MAP2K1: variants seen among roughly 807,000 people sequenced by gnomAD.
MAP2K1 encodes the protein mitogen-activated protein kinase kinase 1, also known as dual specificity mitogen-activated protein kinase kinase 1.
MAP2K1 carries 16 observed loss-of-function variants against 46.3 expected under a neutral mutation model. The ratio of observed to expected loss-of-function variants is 0.35; its 90% CI spans 0.23 to 0.52. MAP2K1 has a LOEUF of 0.52. Ranked by LOEUF, MAP2K1 falls within the 20% of genes least tolerant of loss-of-function variation. The probability of loss-of-function intolerance (pLI) is 0.94; values close to 1 mark genes in which losing one functional copy is unlikely to be tolerated. For synonymous variants in MAP2K1, 183 were observed against 185.6 expected (o/e 0.99, Z 0.11); for missense variants, 263 against 497.1 (o/e 0.53, Z 4.48).
At chr15:66,467,646 C>T (rs929706346) in intron 5 of MAP2K1, among the ~76,000 whole-genome samples, 11 of 152,260 alleles carry the variant, frequency 7.2e-5, no homozygotes, top group East Asian at 1.9e-4. Context: ...CTGCAACCTG[C>T]GCCTCCTAGG....
chr15:66,446,569 C>G (rs1267511574), intron 5 of MAP2K1: 1 of 195,384 alleles, frequency 5.1e-6, no homozygotes, highest in Non-Finnish European at 1.1e-5. Flanking sequence ...AGTTACCTTT[C>G]TCCAGATTAC....
intron 1 of MAP2K1, among the ~76,000 whole-genome samples, chr15:66,403,476 G>C (rs1403860048): frequency 1.3e-5 from 2 of 151,900 alleles, no homozygotes; most frequent in South Asian, 4.1e-4. Flanking sequence ...TAAAAGCAGT[G>C]GTTTTCAAAA....
intron 8 of MAP2K1, 181 bp from the exon 9 acceptor site, chr15:66,489,034 A>G (rs941612016): frequency 2.8e-5 from 18 of 647,660 alleles, no homozygotes; most frequent in Non-Finnish European, 4.5e-5. Context: ...TGGTTACCCA[A>G]CAGGCAGCAC....
At position 66,489,253 on chromosome 15, in the gene MAP2K1, A is replaced by AT; in HGVS notation, c.1002dup (p.Gln335SerfsTer6). The AT allele has an allele frequency of 6.2e-7, 1 of 1,614,116 alleles. No homozygotes were observed. The highest frequency in any genetic ancestry group is 8.5e-7 in the Non-Finnish European group (1 of 1,179,988). On this transcript the variant is annotated frameshift_variant, in exon 9 of 11. Transcript: ENST00000307102. LOFTEE classifies it high-confidence loss of function. ...TGCCCAGTGGAGTGTTCAGTCTGGA[A>AT]TTTCAAGATTTTGTGAATAAATGGT...
At chr15:66,402,559 A>G (rs1394910288) in intron 1 of MAP2K1, among the ~76,000 whole-genome samples, 1 of 152,088 alleles carries the variant, frequency 6.6e-6, no homozygotes, top group East Asian at 1.9e-4. Context: ...CCATTTGTTC[A>G]TGTGTTCCTC....
intron 1 of MAP2K1, among the ~76,000 whole-genome samples, chr15:66,422,236 T>TC (rs2093445463): frequency 6.6e-6 from 1 of 152,130 alleles, no homozygotes. Context: ...CATTCATTTT[T>TC]CCCCCATAGG....
In MAP2K1 at chr15:66,415,199, T is replaced by C. The variant is rs149248126; in HGVS notation, c.81-19828T>C. On this transcript the variant is annotated intron_variant, in intron 1 of 10. Transcript: ENST00000307102. ...TTCTTCACTGGTATGACTGATGCCA[T>C]CTTGGAGTCCTGGTGTCCACTGTCC... The C allele has an allele frequency of 3.2e-5, 16 of 505,752 alleles. No homozygotes were observed. The East Asian group carries it at 8.8e-4, about 28-fold the overall frequency. The allele number at this position is 505,752 out of a possible 1,614,324, so 31.3% of individuals were successfully genotyped here.
At chr15:66,457,432 T>G (rs950395345) in intron 5 of MAP2K1, among the ~76,000 whole-genome samples, 7 of 152,200 alleles carry the variant, frequency 4.6e-5, no homozygotes, top group African/African-American at 1.4e-4. Context: ...AAATTCAGAT[T>G]ATTGTGTCCA....
At chr15:66,460,840 A>G (rs1374418060) in intron 5 of MAP2K1, among the ~76,000 whole-genome samples, 1 of 152,066 alleles carries the variant, frequency 6.6e-6, no homozygotes, top group African/African-American at 2.4e-5. Flanking sequence ...GATGGTGCAA[A>G]GGGCAGGGAC....
rs559163042 is a variant in MAP2K1, at chr15:66,488,582, A to C, written c.961-633A>C. ...AGAGCCTTGTACTGTATAGTGCTGC[A>C]TGATCACCATGGGAAAATCTGAAAA... On this transcript the variant is annotated intron_variant, in intron 8 of 10. Coordinates refer to ENST00000307102, the MANE Select transcript of MAP2K1 (RefSeq NM_002755.4). 51 of 176,364 alleles carry C rather than the reference A, an allele frequency of 2.9e-4. 1 individual carries two copies. In the East Asian group the frequency reaches 7.0e-3, roughly 24 times the overall value. The allele number at this position is 176,364 out of a possible 1,614,324, so 10.9% of individuals were successfully genotyped here.
intron 5 of MAP2K1, among the ~76,000 whole-genome samples, chr15:66,480,150 A>C (rs1244670332): frequency 2.6e-5 from 4 of 151,592 alleles, no homozygotes; most frequent in African/African-American, 9.7e-5. Flanking sequence ...GTGCAATGGC[A>C]TGATGTCGGC....
chr15:66,407,071 T>G (rs2093399215), intron 1 of MAP2K1, among the ~76,000 whole-genome samples: 1 of 152,112 alleles, frequency 6.6e-6, no homozygotes, highest in Non-Finnish European at 1.5e-5. Context: ...CACAGGGTTT[T>G]CCAACTGCCC....
intron 5 of MAP2K1, among the ~76,000 whole-genome samples, chr15:66,452,302 AAG>A (rs1555417504): frequency 1.0e-3 from 5 of 4,978 alleles, no homozygotes; most frequent in Admixed American, 4.0e-3. Context: ...AAAAAAAAAA[AAG>A]AAAAAAAAAA....
chr15:66,489,475 T>C, intron 9 of MAP2K1, 199 bp downstream of exon 9: 1 of 670,534 alleles, frequency 1.5e-6, no homozygotes, highest in Non-Finnish European at 2.7e-6. Context: ...ATCATGGATG[T>C]AGTAGCTGCT....
intron 5 of MAP2K1, among the ~76,000 whole-genome samples, chr15:66,476,078 T>C (rs1031185115): frequency 1.3e-5 from 2 of 152,172 alleles, no homozygotes; most frequent in African/African-American, 2.4e-5. Context: ...AAAACCTCCT[T>C]GTTCATTTTT....
At chr15:66,412,319 G>A (rs534154160) in intron 1 of MAP2K1, among the ~76,000 whole-genome samples, 105 of 152,336 alleles carry the variant, frequency 6.9e-4, no homozygotes, top group African/African-American at 2.4e-3. Flanking sequence ...GCTGTACTGT[G>A]AAAGGCTTCT....
At position 66,458,730 on chromosome 15, in the gene MAP2K1, A is replaced by C. The variant is rs564394723; in HGVS notation, c.568+14023A>C. 4.2e-4 allele frequency among the ~76,000 whole-genome samples: 64 copies of C among 152,282 alleles called. 1 individual carries two copies. The South Asian group carries it at 0.012, about 29-fold the overall frequency. ...GAGATGCGGTCTCTCTCTGTTGCCC[A>C]GGTTGGTCTTGAACTCCTGGACTCA... is the stretch of plus-strand genomic sequence containing the variant. On this transcript the variant is annotated intron_variant, in intron 5 of 10. Coordinates refer to ENST00000307102, the MANE Select transcript of MAP2K1 (RefSeq NM_002755.4).
At chr15:66,469,497 T>TTTTG (rs1555419237) in intron 5 of MAP2K1, among the ~76,000 whole-genome samples, 3 of 144,926 alleles carry the variant, frequency 2.1e-5, no homozygotes, top group Admixed American at 6.9e-5. Flanking sequence ...TTTTTTTTTT[T>TTTTG]TTGTTGAGGA....
chr15:66,441,130 A>G (rs1320545838), intron 3 of MAP2K1, among the ~76,000 whole-genome samples: 1 of 151,968 alleles, frequency 6.6e-6, no homozygotes, highest in African/African-American at 2.4e-5. Flanking sequence ...ATGTCCAGCT[A>G]ATTTTTATTT....
Sources: gnomAD v4.1 joint callset for allele counts (sites outside exome capture counted in the v4.1 genomes callset) on GRCh38, gnomAD v4.1.1 for gene constraint, MANE v1.5 for transcripts, NCBI Gene and HGNC (gene_info 2026-07-23, HGNC 2026-07-21) for gene names.